The following DOCK3 variants were observed in gnomAD, a reference collection of about 807,000 sequenced individuals.
DOCK3 encodes the protein dedicator of cytokinesis 3, also known as dedicator of cytokinesis protein 3.
In DOCK3, 60 loss-of-function variants were observed where a neutral mutation model predicts 265.6. The ratio of observed to expected loss-of-function variants is 0.23; its 90% CI spans 0.18 to 0.28. The LOEUF is 0.28. DOCK3 is among the 10% of genes least tolerant of loss of function. The pLI, the probability that DOCK3 is intolerant of heterozygous loss-of-function variation, is 1.00. For missense variants in DOCK3, 1,981 were observed against 2,594.3 expected (o/e 0.76, Z 5.14); for synonymous variants, 881 against 938.0 (o/e 0.94, Z 1.11).
At chr3:50,829,951 T>G (rs1399225674) in intron 2 of DOCK3, among the ~76,000 whole-genome samples, 2 of 152,192 alleles carry the variant, frequency 1.3e-5, no homozygotes, top group Non-Finnish European at 2.9e-5. Flanking sequence ...AAATGAAGAT[T>G]TAATATAACT....
At chr3:50,921,533 G>A (rs540953540) in intron 4 of DOCK3, among the ~76,000 whole-genome samples, 5 of 152,248 alleles carry the variant, frequency 3.3e-5, no homozygotes, top group South Asian at 4.2e-4. Flanking sequence ...ATTACTGATC[G>A]TCTCAAACCT....
intron 2 of DOCK3, among the ~76,000 whole-genome samples, chr3:50,840,919 G>A (rs1011979324): frequency 2.0e-5 from 3 of 152,018 alleles, no homozygotes; most frequent in African/African-American, 4.8e-5. Flanking sequence ...AAGTTAATAC[G>A]TAGGACAAAC....
intron 24 of DOCK3, among the ~76,000 whole-genome samples, chr3:51,272,135 T>C (rs2080536485): frequency 6.6e-6 from 1 of 152,248 alleles, no homozygotes; most frequent in African/African-American, 2.4e-5. Flanking sequence ...AATGGCCATA[T>C]ATTAAGATCA....
At chr3:50,836,979 C>G (rs1190515179) in intron 2 of DOCK3, among the ~76,000 whole-genome samples, 1 of 152,186 alleles carries the variant, frequency 6.6e-6, no homozygotes. Context: ...AACAAGTTCC[C>G]CTTCTCCATC....
chr3:50,949,884 C>T (rs183344157), intron 5 of DOCK3, among the ~76,000 whole-genome samples: 14 of 151,942 alleles, frequency 9.2e-5, no homozygotes, highest in Admixed American at 7.9e-4. Context: ...TTGGCTTTGC[C>T]GATCCTCTAT....
At chr3:51,256,660 C>A (rs1274649416) in intron 22 of DOCK3, among the ~76,000 whole-genome samples, 1 of 146,554 alleles carries the variant, frequency 6.8e-6, no homozygotes, top group African/African-American at 2.5e-5. Flanking sequence ...GAGGCACAAT[C>A]TTGGCTCACT....
intron 1 of DOCK3, among the ~76,000 whole-genome samples, chr3:50,707,471 T>C (rs2036488420): frequency 6.6e-6 from 1 of 152,134 alleles, no homozygotes; most frequent in Non-Finnish European, 1.5e-5. Context: ...CCTTGGTATT[T>C]CTTCATAGGA....
At chr3:51,158,474 G>A (rs901321763) in intron 10 of DOCK3, among the ~76,000 whole-genome samples, 1 of 152,110 alleles carries the variant, frequency 6.6e-6, no homozygotes, top group Non-Finnish European at 1.5e-5. Flanking sequence ...TGACCCAGAG[G>A]ACAAGGCTGC....
chr3:51,201,251 C>T (rs376957075), intron 12 of DOCK3, among the ~76,000 whole-genome samples: 1 of 150,472 alleles, frequency 6.6e-6, no homozygotes. Context: ...AGAGTCAAGA[C>T]CCATCAGTGT....
chr3:50,841,001 A>G (rs567753666), intron 2 of DOCK3, among the ~76,000 whole-genome samples: 1 of 152,286 alleles, frequency 6.6e-6, no homozygotes, highest in East Asian at 1.9e-4. Flanking sequence ...CTTTAAATAC[A>G]ACTCTTGGCT....
At chr3:51,278,715 A>G (rs1031510212) in intron 26 of DOCK3, among the ~76,000 whole-genome samples, 9 of 152,258 alleles carry the variant, frequency 5.9e-5, no homozygotes, top group Admixed American at 5.9e-4. Flanking sequence ...TGCTTTAAGC[A>G]CTTGTCCAAT....
chr3:51,201,193 A>T (rs1448236478), intron 12 of DOCK3, among the ~76,000 whole-genome samples: 2 of 151,058 alleles, frequency 1.3e-5, no homozygotes, highest in Non-Finnish European at 2.9e-5. Flanking sequence ...TTAAATGTAA[A>T]TGGACTAAAT....
intron 32 of DOCK3, among the ~76,000 whole-genome samples, chr3:51,321,472 A>G (rs1014985422): frequency 3.3e-5 from 5 of 152,202 alleles, no homozygotes; most frequent in African/African-American, 1.2e-4. Flanking sequence ...CTGGACGGAA[A>G]ATGAATTTGA....
chr3:50,736,883 A>C (rs1317961828), intron 1 of DOCK3, among the ~76,000 whole-genome samples: 3 of 151,824 alleles, frequency 2.0e-5, no homozygotes, highest in Non-Finnish European at 4.4e-5. Context: ...TTTTTAGTAG[A>C]GACGGGGTTT....
intron 10 of DOCK3, among the ~76,000 whole-genome samples, chr3:51,148,124 C>A (rs1395260924): frequency 2.0e-5 from 3 of 152,184 alleles, no homozygotes; most frequent in Non-Finnish European, 4.4e-5. Context: ...TGTCTCTTAG[C>A]TGCATAAATG....
intron 1 of DOCK3, among the ~76,000 whole-genome samples, chr3:50,757,478 G>T (rs2040236066): frequency 6.6e-6 from 1 of 151,880 alleles, no homozygotes; most frequent in Non-Finnish European, 1.5e-5. Flanking sequence ...GGCTCAGATT[G>T]TCTTTTTATT....
chr3:50,786,955 C>A, intron 2 of DOCK3: 1 of 740,426 alleles, frequency 1.4e-6, no homozygotes, highest in Non-Finnish European at 2.5e-6. Context: ...ATGTAAATGG[C>A]ATGTCTTTCA....
chr3:51,358,226 A>G, intron 46 of DOCK3, 149 bp downstream of exon 46: 3 of 705,922 alleles, frequency 4.2e-6, no homozygotes, highest in Non-Finnish European at 4.7e-6. Context: ...ACAGAGGGAC[A>G]GGGGGCAAGG....
At chr3:50,859,654 C>A (rs184929871) in intron 3 of DOCK3, among the ~76,000 whole-genome samples, 71 of 152,214 alleles carry the variant, frequency 4.7e-4, no homozygotes, top group Non-Finnish European at 7.6e-4. Flanking sequence ...ATGTTTTCAC[C>A]AAGCTGAGGC....
Sources: gnomAD v4.1 joint callset for allele counts (sites outside exome capture counted in the v4.1 genomes callset) on GRCh38, gnomAD v4.1.1 for gene constraint, MANE v1.5 for transcripts, NCBI Gene and HGNC (gene_info 2026-07-23, HGNC 2026-07-21) for gene names.